NOTCH1: variants seen among roughly 807,000 people sequenced by gnomAD.
The protein encoded by NOTCH1 is notch receptor 1.
NOTCH1 carries 37 observed loss-of-function variants against 254.8 expected under a neutral mutation model. That is an observed-to-expected ratio of 0.15 (90% confidence interval 0.11 to 0.19). NOTCH1 has a LOEUF of 0.19. Among genes scored for constraint, NOTCH1 ranks in the 10% least tolerant of loss-of-function variants. NOTCH1 has a pLI of 1.00. For synonymous variants in NOTCH1, 1,731 were observed against 1,618.1 expected (o/e 1.07, Z -1.68); for missense variants, 2,972 against 3,708.6 (o/e 0.80, Z 5.16).
rs1350456049 is a variant in NOTCH1 at position 136,533,152 on chromosome 9, C to T, written c.141-9173G>A. On this transcript the variant is annotated intron_variant, in intron 2 of 33. Transcript: ENST00000651671. ...CTCCGTCAGACAGGAATGAGGCCAG[C>T]CTCCTTCTGACCACTGAAGGGGAAG... Among the ~76,000 whole-genome samples, 3 of 49,514 alleles carry T rather than the reference C, an allele frequency of 6.1e-5. 1 individual carries two copies. Among genetic ancestry groups the T allele is most frequent in the African/African-American group, 2.1e-4 (2 of 9,470 alleles). 32.5% of individuals were successfully genotyped at this position (49,514 alleles called of 152,430 possible). A position where few individuals can be genotyped will look rare whatever the true frequency, so the allele number is the denominator to read the frequency against.
In NOTCH1 at chr9:136,519,427, C is replaced by T. The variant is rs199828787; in HGVS notation, c.865+16G>A. On this transcript the variant is annotated intron_variant, in intron 5 of 33. Coordinates refer to ENST00000651671, the MANE Select transcript of NOTCH1 (RefSeq NM_017617.5). ...CCGCCCCGGCTACCCCGCCCTGCGGCGACCCGTATACGCGCCTGTCCACTC... is the reference window on the plus strand; with the variant it reads ...CCGCCCCGGCTACCCCGCCCTGCGGTGACCCGTATACGCGCCTGTCCACTC... 5.5e-5 allele frequency: 88 copies of T among 1,612,418 alleles called. No individual in the cohort carries two copies. The highest frequency in any genetic ancestry group is 6.7e-5 in the East Asian group (3 of 44,896).
rs1202607620 is a variant in NOTCH1, at chr9:136,516,162, C to T, written c.1556-68G>A. 2.4e-6 allele frequency: 3 copies of T among 1,237,844 alleles called. No individual in the cohort carries two copies. In the African/African-American group the frequency reaches 4.4e-5, roughly 18 times the overall value. The allele number at this position is 1,237,844 out of a possible 1,614,324, so 76.7% of individuals were successfully genotyped here. On this transcript the variant is annotated intron_variant, in intron 9 of 33. Transcript: ENST00000651671. ...ACTATGGCCCTTCAGGGACCCCTGG[C>T]CAGACCCCAGCAGTGAGCGCCTGGC...
intron 2 of NOTCH1, among the ~76,000 whole-genome samples, chr9:136,535,513 TGGGTGGAGG>T (rs1843634491): frequency 7.5e-5 from 1 of 13,406 alleles, no homozygotes; most frequent in Non-Finnish European, 1.2e-4. Context: ...AGGGTGGGAG[TGGGTGGAGG>T]GGGGAGCACT....
intron 21 of NOTCH1, among the ~76,000 whole-genome samples, chr9:136,507,716 A>C (rs1843111433): frequency 6.6e-6 from 1 of 152,108 alleles, no homozygotes; most frequent in Non-Finnish European, 1.5e-5. Context: ...GCCCAGACAC[A>C]ATCTAGGGGA....
intron 2 of NOTCH1, among the ~76,000 whole-genome samples, chr9:136,530,193 G>C (rs1238496521): frequency 6.6e-6 from 1 of 152,238 alleles, no homozygotes; most frequent in Non-Finnish European, 1.5e-5. Context: ...TCTGAGCCGG[G>C]GCCAGGCTTT....
intron 12 of NOTCH1, 120 bp downstream of exon 12, chr9:136,515,170 G>T: frequency 2.3e-6 from 2 of 885,064 alleles, no homozygotes; most frequent in Non-Finnish European, 1.8e-6. Context: ...TGCAGACCAC[G>T]GTCTGCCCAG....
chr9:136,510,056 C>G, intron 17 of NOTCH1, 95 bp from the exon 18 acceptor site: 1 of 1,216,802 alleles, frequency 8.2e-7, no homozygotes, highest in Non-Finnish European at 1.2e-6. Flanking sequence ...GACAGCCCAG[C>G]CTTTCGTTGC....
At chr9:136,507,858 A>G (rs1843113351) in intron 21 of NOTCH1, 97 bp downstream of exon 21, 1 of 1,249,382 alleles carries the variant, frequency 8.0e-7, no homozygotes, top group Admixed American at 1.7e-5. Context: ...TGGGCCTATC[A>G]GGTTCAGTTT....
Position 136,524,639 on chromosome 9 carries a change from CTTTTTTTTTTTT to C in NOTCH1, c.141-672_141-661del, listed in dbSNP as rs869128901. Reference sequence around the variant, plus strand: ...ACGTGGAAGCCTTTCTTTTTCTTTTCTTTTTTTTTTTTTTTTTTTTTTGAGTCTTGCTCTGTT... The same window carrying C: ...ACGTGGAAGCCTTTCTTTTTCTTTTCTTTTTTTTTTGAGTCTTGCTCTGTT... On this transcript the variant is annotated intron_variant, in intron 2 of 33. Coordinates refer to ENST00000651671, the MANE Select transcript of NOTCH1 (RefSeq NM_017617.5). Among the ~76,000 whole-genome samples, 19 of 54,442 alleles carry C rather than the reference CTTTTTTTTTTTT, an allele frequency of 3.5e-4. No homozygotes were observed. The South Asian group carries it at 8.5e-3, about 24-fold the overall frequency. The allele number at this position is 54,442 out of a possible 152,430, so 35.7% of individuals were successfully genotyped here.
At chr9:136,532,052 A>C (rs1843570640) in intron 2 of NOTCH1, among the ~76,000 whole-genome samples, 1 of 152,190 alleles carries the variant, frequency 6.6e-6, no homozygotes, top group South Asian at 2.1e-4. Context: ...GCCCGGGCCC[A>C]GCGTGATCAC....
Position 136,494,639 on chromosome 9 carries a change from G to A in NOTCH1, c.*1432C>T, listed in dbSNP as rs575159866. On this transcript the variant is annotated 3_prime_UTR_variant, in exon 34 of 34. Transcript: ENST00000651671. ...CTGGGGATGGCACCACGCGGCCCCC[G>A]TAGAGCCGGGGGAGGCTGCCCTGAG... 75 of 398,850 alleles carry A rather than the reference G, an allele frequency of 1.9e-4. 1 individual carries two copies. The Admixed American group carries it at 2.5e-3, about 13-fold the overall frequency. The allele number at this position is 398,850 out of a possible 1,614,324, so 24.7% of individuals were successfully genotyped here. A position where few individuals can be genotyped will look rare whatever the true frequency, so the allele number is the denominator to read the frequency against.
Position 136,545,814 on chromosome 9 carries a change from C to G in NOTCH1, c.-28G>C. 8.1e-6 allele frequency: 10 copies of G among 1,231,258 alleles called. 1 individual carries two copies. The South Asian group carries it at 2.7e-4, about 33-fold the overall frequency. The allele number at this position is 1,231,258 out of a possible 1,614,324, so 76.3% of individuals were successfully genotyped here. ...CTCCCCACCGGCTGCCCTCTGCGCC[C>G]GGGCGGCGGCCTCCTGCGCTGGCCG... On this transcript the variant is annotated 5_prime_UTR_variant, in exon 1 of 34. Transcript: ENST00000651671. This position sits in a 1 kb window ranked among gnomAD's most constrained non-coding sequence, Gnocchi z 6.8.
chr9:136,498,448 C>T (rs1430270323), intron 33 of NOTCH1, among the ~76,000 whole-genome samples: 3 of 152,322 alleles, frequency 2.0e-5, no homozygotes, highest in South Asian at 4.1e-4. Flanking sequence ...GGCCCCGCCC[C>T]GCAGGGAGCT....
rs767587816 is a variant in NOTCH1, at chr9:136,497,374, G to A, written c.6365C>T (p.Pro2122Leu). Residue 2122 changes from proline (P) to leucine (L), a missense_variant, in exon 34 of 34, where the codon CCG becomes CTG. Pro to Leu is a moderately conservative substitution (Grantham distance 98). Transcript: ENST00000651671. ...LLDEYNLVRS[P>L]QLHGAPLGGT... is the part of the protein sequence containing the mutation. ...CCCCAGCGGGGCTCCGTGCAGCTGC[G>A]GGCTGCGCACCAGGTTGTACTCGTC... The A allele has an allele frequency of 9.3e-6, 15 of 1,608,310 alleles. No homozygotes were observed. The highest frequency in any genetic ancestry group is 5.0e-5 in the Admixed American group (3 of 59,960).
chr9:136,496,287 G>T lies in NOTCH1; in HGVS notation c.7452C>A (p.Pro2484=). ...PPVTAAQFLT[P]PSQHSYSSPV... ...GCGAGGAGTAGCTGTGCTGCGAGGG[G>T]GGCGTCAGGAACTGGGCTGCGGTCA... Residue 2484 remains proline (P), a synonymous_variant, in exon 34 of 34, where the codon CCC becomes CCA. Coordinates refer to ENST00000651671, the MANE Select transcript of NOTCH1 (RefSeq NM_017617.5). The T allele has an allele frequency of 6.3e-7, 1 of 1,598,000 alleles. No individual in the cohort carries two copies. The highest frequency in any genetic ancestry group is 8.5e-7 in the Non-Finnish European group (1 of 1,171,632).
intron 2 of NOTCH1, among the ~76,000 whole-genome samples, chr9:136,525,871 G>C (rs1382208535): frequency 1.3e-5 from 2 of 152,242 alleles, no homozygotes; most frequent in Non-Finnish European, 2.9e-5. Context: ...TTTTACCCGT[G>C]ACCACGGCTT....
At position 136,530,210 on chromosome 9, in the gene NOTCH1, C is replaced by T. The variant is rs1843537744; in HGVS notation, c.141-6231G>A. Among the ~76,000 whole-genome samples, 5 of 152,236 alleles carry T rather than the reference C, an allele frequency of 3.3e-5. No individual in the cohort carries two copies. The South Asian group carries it at 8.3e-4, about 25-fold the overall frequency. Reference sequence around the variant, plus strand: ...TGAGCCGGGGCCAGGCTTTCCGGCCCAAACAGCTGTTGCCGGCACCCCCAG... The same window carrying T: ...TGAGCCGGGGCCAGGCTTTCCGGCCTAAACAGCTGTTGCCGGCACCCCCAG... On this transcript the variant is annotated intron_variant, in intron 2 of 33. Transcript: ENST00000651671.
chr9:136,512,821 A>T (rs1366640907), intron 15 of NOTCH1, among the ~76,000 whole-genome samples, 200 bp downstream of exon 15: 1 of 152,120 alleles, frequency 6.6e-6, no homozygotes, highest in Non-Finnish European at 1.5e-5. Flanking sequence ...CAGGGGCCTA[A>T]GGCACTCAGT....
chr9:136,516,183 C>T (rs1332025689), intron 9 of NOTCH1, 89 bp from the exon 10 acceptor site: 18 of 978,198 alleles, frequency 1.8e-5, no homozygotes, highest in Non-Finnish European at 2.5e-5. Flanking sequence ...CAGTGAGCGC[C>T]TGGCTGGGCT....
Sources: allele counts gnomAD v4.1 joint callset (sites outside exome capture counted in the v4.1 genomes callset), GRCh38; gene constraint gnomAD v4.1.1; non-coding constraint Gnocchi (gnomAD v3.1); transcripts MANE v1.5; gene names NCBI Gene and HGNC (gene_info 2026-07-23, HGNC 2026-07-21).